Variants in GLIS3 observed in about 807,000 individuals in gnomAD.
The protein encoded by GLIS3 is zinc finger protein GLIS3.
In GLIS3, 53 loss-of-function variants were observed where a neutral mutation model predicts 78.6. The ratio of observed to expected loss-of-function variants is 0.67; its 90% CI spans 0.54 to 0.85. GLIS3 has a LOEUF of 0.85. Ranked by LOEUF, GLIS3 falls within the 40% of genes least tolerant of loss-of-function variation. The pLI, the probability that GLIS3 is intolerant of heterozygous loss-of-function variation, is 0.00. For missense variants in GLIS3, 1,703 were observed against 1,231.1 expected (o/e 1.38, Z -5.74); for synonymous variants, 684 against 509.9 (o/e 1.34, Z -4.60).
chr9:3,889,173 T>C (rs1402276223), intron 7 of GLIS3, among the ~76,000 whole-genome samples: 1 of 152,192 alleles, frequency 6.6e-6, no homozygotes, highest in Admixed American at 6.5e-5. Flanking sequence ...TAGCACCTCA[T>C]AACTAGAATG....
intron 2 of GLIS3, among the ~76,000 whole-genome samples, chr9:4,174,785 G>A (rs1564151433): frequency 6.6e-6 from 1 of 152,192 alleles, no homozygotes. Flanking sequence ...ATTCCAGGAG[G>A]CAGTACACGT....
chr9:4,278,250 C>G (rs1365479618), intron 2 of GLIS3, among the ~76,000 whole-genome samples: 2 of 152,182 alleles, frequency 1.3e-5, no homozygotes, highest in African/African-American at 2.4e-5. Flanking sequence ...AAAAGGCTTA[C>G]AAGCAATGAC....
intron 7 of GLIS3, among the ~76,000 whole-genome samples, chr9:3,882,316 C>A (rs1034801834): frequency 2.0e-5 from 3 of 152,168 alleles, no homozygotes; most frequent in African/African-American, 7.2e-5. Flanking sequence ...ACGGTTGCGC[C>A]ATTGGTCAAG....
intron 2 of GLIS3, among the ~76,000 whole-genome samples, chr9:4,245,126 G>A (rs1310191474): frequency 1.3e-5 from 2 of 152,172 alleles, no homozygotes; most frequent in African/African-American, 4.8e-5. Context: ...ATGTATCACA[G>A]ATTTATGACG....
At chr9:3,849,079 G>C (rs887051039) in intron 9 of GLIS3, among the ~76,000 whole-genome samples, 32 of 152,230 alleles carry the variant, frequency 2.1e-4, no homozygotes, top group African/African-American at 7.7e-4. Context: ...ACGAAATCTA[G>C]TAAGTGGTAC....
chr9:4,455,247 G>C, the GLIS3 span, among the ~76,000 whole-genome samples: 4 of 152,210 alleles, frequency 2.6e-5, no homozygotes, highest in Admixed American at 2.0e-4. Context: ...ATCATGGCTA[G>C]CATGAGATTG....
chr9:4,193,412 G>T (rs1341661041), intron 2 of GLIS3, among the ~76,000 whole-genome samples: 2 of 152,198 alleles, frequency 1.3e-5, no homozygotes. Flanking sequence ...TATGGCCTAA[G>T]AAGTCTATAA....
chr9:3,950,540 G>A (rs1816609180), intron 4 of GLIS3, among the ~76,000 whole-genome samples: 1 of 152,172 alleles, frequency 6.6e-6, no homozygotes, highest in South Asian at 2.1e-4. Flanking sequence ...ATTTGCACAT[G>A]CTATTTCCTT....
intron 2 of GLIS3, among the ~76,000 whole-genome samples, chr9:4,203,761 G>T (rs994526845): frequency 2.0e-5 from 3 of 152,144 alleles, no homozygotes; most frequent in Admixed American, 6.5e-5. Context: ...ATACACTATG[G>T]AATAGTACAC....
At position 3,911,060 on chromosome 9, in the gene GLIS3, T is replaced by G. The variant is rs550935457; in HGVS notation, c.1984-12225A>C. ...ACTTTCTGTCTCTACTCATACAACCTAAATAGTTAATAGCTTTTTAAAATC... is the reference window on the plus strand; with the variant it reads ...ACTTTCTGTCTCTACTCATACAACCGAAATAGTTAATAGCTTTTTAAAATC... On this transcript the variant is annotated intron_variant, in intron 6 of 10. Transcript: ENST00000381971. Among the ~76,000 whole-genome samples the G allele has an allele frequency of 1.2e-4, 18 of 152,296 alleles. 1 individual carries two copies. The highest frequency in any genetic ancestry group is 3.1e-4 in the African/African-American group (13 of 41,574).
At chr9:4,390,442 T>G in the GLIS3 span, among the ~76,000 whole-genome samples, 3 of 152,108 alleles carry the variant, frequency 2.0e-5, no homozygotes, top group Non-Finnish European at 1.5e-5. Flanking sequence ...CATATCTCAT[T>G]GTACCCGCAA....
At chr9:4,338,387 C>A (rs145736990) in intron 2 of GLIS3, among the ~76,000 whole-genome samples, 1 of 105,418 alleles carries the variant, frequency 9.5e-6, no homozygotes, top group African/African-American at 3.9e-5. Context: ...CACACACACA[C>A]ATACACACAC....
At chr9:4,009,139 G>A (rs529583753) in intron 4 of GLIS3, among the ~76,000 whole-genome samples, 147 of 152,266 alleles carry the variant, frequency 9.7e-4, no homozygotes, top group Non-Finnish European at 1.4e-3. Context: ...AGTCAGTCTT[G>A]CTCACTTTCT....
the GLIS3 span, among the ~76,000 whole-genome samples, chr9:4,390,568 T>C: frequency 5.9e-5 from 9 of 152,322 alleles, no homozygotes; most frequent in Admixed American, 4.6e-4. Context: ...GTAGGGTTTA[T>C]ACGCTTATAC....
At chr9:3,925,705 A>T (rs1169014147) in intron 6 of GLIS3, among the ~76,000 whole-genome samples, 1 of 152,132 alleles carries the variant, frequency 6.6e-6, no homozygotes, top group Non-Finnish European at 1.5e-5. Flanking sequence ...CCTTGAACTT[A>T]AACAATTGGG....
At chr9:4,199,973 T>A (rs111277029) in intron 2 of GLIS3, among the ~76,000 whole-genome samples, 5 of 152,154 alleles carry the variant, frequency 3.3e-5, no homozygotes, top group African/African-American at 1.2e-4. Context: ...TGGACCACAG[T>A]GGAATAAAAA....
At chr9:4,030,806 C>T (rs16920428) in intron 4 of GLIS3, among the ~76,000 whole-genome samples, 10,240 of 152,184 alleles carry the variant, frequency 0.067, 652 homozygotes, top group African/African-American at 0.17. Flanking sequence ...GCCAGAAATG[C>T]TGACTTATCT....
the GLIS3 span, among the ~76,000 whole-genome samples, chr9:4,368,017 A>T: frequency 6.6e-6 from 1 of 152,246 alleles, no homozygotes; most frequent in African/African-American, 2.4e-5. Context: ...AAGCCCCTGG[A>T]CTTTCTACTG....
At chr9:4,023,548 TC>T (rs1178557995) in intron 4 of GLIS3, among the ~76,000 whole-genome samples, 1 of 152,168 alleles carries the variant, frequency 6.6e-6, no homozygotes, top group African/African-American at 2.4e-5. Context: ...TTTTCCAAAA[TC>T]CTTTTCGTGT....
Sources: gnomAD v4.1 joint callset for allele counts (sites outside exome capture counted in the v4.1 genomes callset) on GRCh38, gnomAD v4.1.1 for gene constraint, MANE v1.5 for transcripts, NCBI Gene and HGNC (gene_info 2026-07-23, HGNC 2026-07-21) for gene names.